ZMAT4: variants seen among roughly 807,000 people sequenced by gnomAD.
ZMAT4 encodes zinc finger matrin-type 4, also known as zinc finger matrin-type protein 4.
A neutral mutation model predicts 28.7 loss-of-function variants in ZMAT4; 17 were observed. That is an observed-to-expected ratio of 0.59 (90% confidence interval 0.41 to 0.89). The LOEUF (loss-of-function observed/expected upper bound fraction) is 0.89. Among genes scored for constraint, ZMAT4 ranks in the 40% least tolerant of loss-of-function variants. The probability of loss-of-function intolerance (pLI) is 0.00; values close to 1 mark genes in which losing one functional copy is unlikely to be tolerated. For missense variants in ZMAT4, 240 were observed against 283.8 expected, an observed-to-expected ratio of 0.85 and a Z score of 1.11; for synonymous variants, 117 against 109.2, an observed-to-expected ratio of 1.07 and a Z score of -0.44.
chr8:40,635,538 A>C (rs1021244877), intron 5 of ZMAT4, among the ~76,000 whole-genome samples: 31 of 152,186 alleles, frequency 2.0e-4, no homozygotes, highest in African/African-American at 5.8e-4. Flanking sequence ...AAGATGCCCA[A>C]CCTCTGATGC....
At chr8:40,594,827 G>A (rs2118591908) in intron 5 of ZMAT4, among the ~76,000 whole-genome samples, 1 of 152,222 alleles carries the variant, frequency 6.6e-6, no homozygotes. Flanking sequence ...TTTTTTGACA[G>A]GTCAAATGCT....
At chr8:40,828,731 G>C (rs35019884) in intron 1 of ZMAT4, among the ~76,000 whole-genome samples, 34,715 of 152,042 alleles carry the variant, frequency 0.23, 4,221 homozygotes, top group South Asian at 0.31. Context: ...GAGGCAATTA[G>C]TGGACAAGTG....
At chr8:40,655,287 A>G (rs1807865785) in intron 5 of ZMAT4, among the ~76,000 whole-genome samples, 1 of 152,106 alleles carries the variant, frequency 6.6e-6, no homozygotes, top group African/African-American at 2.4e-5. Flanking sequence ...TGAAACCTAT[A>G]ACATATTGTT....
At chr8:40,765,233 C>T (rs1246973784) in intron 3 of ZMAT4, among the ~76,000 whole-genome samples, 2 of 152,098 alleles carry the variant, frequency 1.3e-5, no homozygotes, top group African/African-American at 4.8e-5. Context: ...TTTATATATT[C>T]AGTCTCTCAA....
Position 40,866,327 on chromosome 8 carries a change from C to T in ZMAT4, c.-5+31356G>A, listed in dbSNP as rs192383223. ...TGGTGCCCCAGGGCTGGCACTGGGA[C>T]GCCCCAAATGCCACATTGTGAGCAG... On this transcript the variant is annotated intron_variant, in intron 1 of 6. Coordinates refer to ENST00000297737, the MANE Select transcript of ZMAT4 (RefSeq NM_024645.3). Among the ~76,000 whole-genome samples the T allele has an allele frequency of 3.4e-3, 512 of 152,294 alleles. 6 individuals are homozygous for T. Among genetic ancestry groups the T allele is most frequent in the East Asian group, 0.015 (76 of 5,174 alleles).
chr8:40,556,449 A>G (rs1402547637), intron 6 of ZMAT4, among the ~76,000 whole-genome samples: 1 of 152,108 alleles, frequency 6.6e-6, no homozygotes, highest in East Asian at 1.9e-4. Flanking sequence ...ATTGTTTTAT[A>G]CAACTGTCTT....
At chr8:40,675,593 GAA>G (rs1205230222) in intron 4 of ZMAT4, among the ~76,000 whole-genome samples, 1 of 152,156 alleles carries the variant, frequency 6.6e-6, no homozygotes, top group Non-Finnish European at 1.5e-5. Context: ...GCTAATACTT[GAA>G]GTAAACATTG....
chr8:40,803,717 A>G (rs1376968135), intron 2 of ZMAT4, among the ~76,000 whole-genome samples: 2 of 152,146 alleles, frequency 1.3e-5, no homozygotes, highest in South Asian at 4.1e-4. Flanking sequence ...TCCAGAAATC[A>G]CACTCGTTGG....
chr8:40,602,091 A>T (rs1430768768), intron 5 of ZMAT4, among the ~76,000 whole-genome samples: 1 of 152,114 alleles, frequency 6.6e-6, no homozygotes, highest in Non-Finnish European at 1.5e-5. Flanking sequence ...CCTAGCTCTC[A>T]CTTAGGAGTG....
At chr8:40,801,825 T>C (rs1279173657) in intron 2 of ZMAT4, among the ~76,000 whole-genome samples, 1 of 152,014 alleles carries the variant, frequency 6.6e-6, no homozygotes, top group African/African-American at 2.4e-5. Flanking sequence ...ATGCAAAATT[T>C]TCCAACAAAA....
intron 5 of ZMAT4, among the ~76,000 whole-genome samples, chr8:40,588,057 G>A (rs893224985): frequency 5.9e-5 from 9 of 151,906 alleles, no homozygotes; most frequent in Admixed American, 3.3e-4. Flanking sequence ...GAACCTAATA[G>A]TTCTAAATAC....
At chr8:40,617,423 C>T (rs1806048898) in intron 5 of ZMAT4, among the ~76,000 whole-genome samples, 1 of 152,142 alleles carries the variant, frequency 6.6e-6, no homozygotes, top group Non-Finnish European at 1.5e-5. Flanking sequence ...TAGCAATTTC[C>T]AACAGTTTCA....
At chr8:40,640,227 C>T (rs1477248934) in intron 5 of ZMAT4, among the ~76,000 whole-genome samples, 3 of 152,230 alleles carry the variant, frequency 2.0e-5, no homozygotes, top group East Asian at 1.9e-4. Flanking sequence ...ATCCTCCTGC[C>T]TCAGCCTCCT....
chr8:40,607,893 C>A (rs968974249), intron 5 of ZMAT4, among the ~76,000 whole-genome samples: 1 of 152,030 alleles, frequency 6.6e-6, no homozygotes, highest in East Asian at 1.9e-4. Flanking sequence ...CTCTTCAGGT[C>A]TCTCAGCCAT....
At chr8:40,564,959 A>G (rs1279376082) in intron 6 of ZMAT4, among the ~76,000 whole-genome samples, 1 of 152,200 alleles carries the variant, frequency 6.6e-6, no homozygotes, top group Non-Finnish European at 1.5e-5. Context: ...ACAAAATCTG[A>G]CATCCAGTCT....
At chr8:40,864,572 AC>A (rs992244572) in intron 1 of ZMAT4, among the ~76,000 whole-genome samples, 4 of 152,036 alleles carry the variant, frequency 2.6e-5, no homozygotes, top group African/African-American at 9.7e-5. Context: ...CTGGGTACTC[AC>A]CCCAGTTGTG....
intron 5 of ZMAT4, among the ~76,000 whole-genome samples, chr8:40,608,885 AC>A (rs1805695172): frequency 6.6e-6 from 1 of 152,180 alleles, no homozygotes; most frequent in Non-Finnish European, 1.5e-5. Flanking sequence ...TCAGGGGCAG[AC>A]TTTCCCCCTT....
At chr8:40,568,347 G>C (rs552615146) in intron 6 of ZMAT4, among the ~76,000 whole-genome samples, 134 of 152,240 alleles carry the variant, frequency 8.8e-4, no homozygotes, top group African/African-American at 3.2e-3. Context: ...CGAGGCAGAA[G>C]ACCACAAGAA....
At chr8:40,881,528 C>CAGAAAGAAAGAAAGAA (rs201960642) in intron 1 of ZMAT4, among the ~76,000 whole-genome samples, 31 of 51,922 alleles carry the variant, frequency 6.0e-4, no homozygotes, top group South Asian at 1.6e-3. Context: ...GAGAGAGAGA[C>CAGAAAGAAAGAAAGAA]AGAAAGAAAG....
Sources: gnomAD v4.1 joint callset for allele counts (sites outside exome capture counted in the v4.1 genomes callset) on GRCh38, gnomAD v4.1.1 for gene constraint, MANE v1.5 for transcripts, NCBI Gene and HGNC (gene_info 2026-07-23, HGNC 2026-07-21) for gene names.